CUL9: variants seen among roughly 807,000 people sequenced by gnomAD.
CUL9 encodes the protein cullin-9.
Under a neutral mutation model 272.6 loss-of-function variants are expected in CUL9, and 79 were observed. The observed-to-expected ratio is 0.29, with a 90% CI of 0.24 to 0.35. The LOEUF (loss-of-function observed/expected upper bound fraction) is 0.35, where lower values mean the gene tolerates loss of function less well. Ranked by LOEUF, CUL9 falls within the 10% of genes least tolerant of loss-of-function variation. The pLI, the probability that CUL9 is intolerant of heterozygous loss-of-function variation, is 1.00. For missense variants in CUL9, 2,532 were observed against 3,255.6 expected, an observed-to-expected ratio of 0.78 and a Z score of 5.41; for synonymous variants, 1,186 against 1,286.5, an observed-to-expected ratio of 0.92 and a Z score of 1.67.
At position 43,213,893 on chromosome 6, in the gene CUL9, T is replaced by C; in HGVS notation, c.5669T>C (p.Ile1890Thr). The change falls in exon 29 of 41, where the codon ATT becomes ACT. Residue 1890 changes from isoleucine (I) to threonine (T), a missense_variant. This residue lies in a region of CUL9 where 2,218 missense variants were observed against 2,788.6 expected (regional missense o/e 0.80). Transcript: ENST00000252050. The surrounding 1 kb of genome is among the most constrained non-coding windows in gnomAD (Gnocchi z 5.7). ...GCCCATGGGGAAAAGGGCCTCCACA[T>C]TGATCAGCTGGTTTGTCTGGTAGGC... is the stretch of plus-strand genomic sequence containing the variant. The part of the protein sequence containing the change: ...LKAHGEKGLH[I>T]DQLVCLVLEA... 3 of 1,614,028 alleles carry C rather than the reference T, an allele frequency of 1.9e-6. No homozygotes were observed. Among genetic ancestry groups the C allele is most frequent in the Non-Finnish European group, 2.5e-6 (3 of 1,180,022 alleles).
intron 1 of CUL9, among the ~76,000 whole-genome samples, 200 bp downstream of exon 1, chr6:43,182,449 C>T (rs1772477221): frequency 6.6e-6 from 1 of 150,724 alleles, no homozygotes; most frequent in Non-Finnish European, 1.5e-5. Flanking sequence ...CGGTGCTGGC[C>T]TCCTCCACCT....
In CUL9 at chr6:43,213,328, T is replaced by C. The variant is rs1483621179; in HGVS notation, c.5358+34T>C. ...GCCCTTAGCCTCTCTCTGCCTTCTC[T>C]GCTACCTTATCTGTCGCTGTTCTCC... is the stretch of plus-strand genomic sequence containing the variant. On this transcript the variant is annotated intron_variant, in intron 27 of 40. Coordinates refer to ENST00000252050, the MANE Select transcript of CUL9 (RefSeq NM_015089.4). The surrounding 1 kb of genome is among the most constrained non-coding windows in gnomAD (Gnocchi z 5.7). 1 of 1,612,772 alleles carries C rather than the reference T, an allele frequency of 6.2e-7. No homozygotes were observed.
In CUL9 at chr6:43,223,384, A is replaced by G. The variant is rs1269484030; in HGVS notation, c.7271A>G (p.Gln2424Arg). Reference protein sequence around the residue: ...RIQERLLAILQHSAQDFRVGL... With the variant: ...RIQERLLAILRHSAQDFRVGL... ...CAGGAGAGGCTGCTTGCCATCCTGC[A>G]GCATTCTGCCCAGGTACTGCCCGGC... The change falls in exon 39 of 41, where the codon CAG (glutamine) becomes CGG (arginine). Residue 2424 changes from glutamine to arginine, a missense_variant. By Grantham distance (43) the Gln-to-Arg change is conservative. This residue lies in a region of CUL9 where 237 missense variants were observed against 305.9 expected (regional missense o/e 0.77). Transcript: ENST00000252050. The surrounding 1 kb of genome is among the most constrained non-coding windows in gnomAD (Gnocchi z 4.1). 6 of 1,599,018 alleles carry G rather than the reference A, an allele frequency of 3.8e-6. No individual in the cohort carries two copies. The African/African-American group carries it at 8.1e-5, about 21-fold the overall frequency.
intron 16 of CUL9, among the ~76,000 whole-genome samples, chr6:43,201,673 G>C (rs577752995): frequency 1.3e-5 from 2 of 152,098 alleles, no homozygotes; most frequent in African/African-American, 4.8e-5. Flanking sequence ...TAGAGACGGG[G>C]TTTCACCGTG....
chr6:43,212,230 C>T (rs1181593594), intron 26 of CUL9, among the ~76,000 whole-genome samples: 2 of 152,240 alleles, frequency 1.3e-5, no homozygotes, highest in Non-Finnish European at 2.9e-5. Flanking sequence ...GAGGCAGGTT[C>T]AGCCTGTCTC....
Position 43,185,952 on chromosome 6 carries a change from C to T in CUL9, c.751-3C>T. 2 of 1,599,122 alleles carry T rather than the reference C, an allele frequency of 1.3e-6. No homozygotes were observed. The highest frequency in any genetic ancestry group is 1.7e-6 in the Non-Finnish European group (2 of 1,171,378). ...AACCTGTCCCAAGGATTGTGTCTTA[C>T]AGATCCCAGGAAAGCTGCTTTTCTC... On this transcript the variant is annotated splice_region_variant and splice_polypyrimidine_tract_variant and intron_variant, in intron 3 of 40. Transcript: ENST00000252050.
Position 43,188,568 on chromosome 6 carries a change from A to C in CUL9, c.2033A>C (p.Asp678Ala). 2 of 1,613,986 alleles carry C rather than the reference A, an allele frequency of 1.2e-6. No individual in the cohort carries two copies. The highest frequency in any genetic ancestry group is 2.2e-5 in the South Asian group (2 of 91,058). The stretch of plus-strand genomic sequence containing the variant: ...GGTCCCGGTCCTCGCAGCTCCCTGG[A>C]TCAGCATGTGGCAGCGGTCGTGGCC... ...LRGPGPRSSLDQHVAAVVATV... is the reference protein window; with the variant it reads ...LRGPGPRSSLAQHVAAVVATV... The change falls in exon 8 of 41, where the codon GAT becomes GCT. Residue 678 changes from aspartate to alanine, a missense_variant. Physicochemically the swap from Asp to Ala is moderately radical, Grantham distance 126. Around this residue, in one of 3 missense-constraint regions of CUL9, gnomAD observed 2,218 missense variants for 2,788.6 expected, o/e 0.80. Transcript: ENST00000252050.
rs747383054 is a variant in CUL9 at position 43,186,409 on chromosome 6, A to G, written c.1205A>G (p.Asp402Gly). The G allele has an allele frequency of 2.5e-6, 4 of 1,606,064 alleles. No homozygotes were observed. In the South Asian group the frequency reaches 4.4e-5, roughly 18 times the overall value. ...LDDYEEISAGDEGEFRQSNNG... is the reference protein window; with the variant it reads ...LDDYEEISAGGEGEFRQSNNG... ...GATTATGAGGAGATCAGTGCTGGGG[A>G]CGAGGGCGAGTTCCGGCAGAGCAAC... The change falls in exon 4 of 41, where the codon GAC (aspartate) becomes GGC (glycine). Residue 402 changes from aspartate to glycine, a missense_variant. Physicochemically the swap from Asp to Gly is moderately conservative, Grantham distance 94. This residue lies in a region of CUL9 where 2,218 missense variants were observed against 2,788.6 expected (regional missense o/e 0.80). Transcript: ENST00000252050.
intron 31 of CUL9, among the ~76,000 whole-genome samples, chr6:43,216,776 T>A (rs767463149): frequency 1.1e-4 from 17 of 152,210 alleles, no homozygotes; most frequent in Non-Finnish European, 2.2e-4. Context: ...CTTTTATAAG[T>A]GTTAATGCCC....
Position 43,205,500 on chromosome 6 carries a change from G to A in CUL9, c.4793+77G>A, listed in dbSNP as rs1369708995. The A allele has an allele frequency of 2.7e-6, 4 of 1,499,508 alleles. No homozygotes were observed. In the African/African-American group the frequency reaches 4.2e-5, roughly 16 times the overall value. The allele number at this position is 1,499,508 out of a possible 1,614,324, so 92.9% of individuals were successfully genotyped here. ...GGAAAGATTTGAGTCTTATAGGGGA[G>A]ATGAGAAAAGAGGCTGTGTAGAGGA... On this transcript the variant is annotated intron_variant, in intron 24 of 40. Transcript: ENST00000252050.
At chr6:43,212,705 A>T (rs1043497492) in intron 26 of CUL9, 2 of 153,068 alleles carry the variant, frequency 1.3e-5, no homozygotes, top group Non-Finnish European at 2.9e-5. Flanking sequence ...GTAAGACAGC[A>T]TCTCTCAGGC....
intron 1 of CUL9, among the ~76,000 whole-genome samples, 198 bp downstream of exon 1, chr6:43,182,447 GCCT>G (rs1241953439): frequency 1.5e-3 from 229 of 149,050 alleles, no homozygotes; most frequent in African/African-American, 5.3e-3. Flanking sequence ...TGCGGTGCTG[GCCT>G]CCTCCACCTC....
At position 43,223,278 on chromosome 6, in the gene CUL9, C is replaced by T. The variant is rs764024692; in HGVS notation, c.7165C>T (p.Arg2389Trp). ...CCCCTCTGCAGAGGAAACCCTGCTGCGGTGCAGAGACCTGGCCTCCTCCCT... is the reference window on the plus strand; with the variant it reads ...CCCCTCTGCAGAGGAAACCCTGCTGTGGTGCAGAGACCTGGCCTCCTCCCT... Reference protein sequence around the residue: ...LQILLEETLLRCRDLASSLRL... With the variant: ...LQILLEETLLWCRDLASSLRL... The change falls in exon 39 of 41, where the codon CGG (arginine) becomes TGG (tryptophan). Residue 2389 changes from arginine to tryptophan, a missense_variant. Around this residue, in one of 3 missense-constraint regions of CUL9, gnomAD observed 237 missense variants for 305.9 expected, o/e 0.77. Coordinates refer to ENST00000252050, the MANE Select transcript of CUL9 (RefSeq NM_015089.4). The surrounding 1 kb of genome is among the most constrained non-coding windows in gnomAD (Gnocchi z 4.1). 1.2e-5 allele frequency: 19 copies of T among 1,598,864 alleles called. No homozygotes were observed. Among genetic ancestry groups the T allele is most frequent in the Non-Finnish European group, 1.3e-5 (15 of 1,172,546 alleles).
intron 4 of CUL9, 21 bp from the exon 5 acceptor site, chr6:43,186,938 CT>C: frequency 6.2e-7 from 1 of 1,612,656 alleles, no homozygotes. Context: ...ATTCTGCTCT[CT>C]TTCTTCCTCC....
In CUL9 at chr6:43,213,390, C is replaced by G. The variant is rs1426312650; in HGVS notation, c.5359-48C>G. On this transcript the variant is annotated intron_variant, in intron 27 of 40. Transcript: ENST00000252050. The surrounding 1 kb of genome is among the most constrained non-coding windows in gnomAD (Gnocchi z 5.7). The stretch of plus-strand genomic sequence containing the variant: ...GTTCCTCCTTCATCCTTACTCCCCT[C>G]TTCCTTTTCTTTCCTTTGACTCCTG... The G allele has an allele frequency of 1.2e-6, 2 of 1,612,170 alleles. No individual in the cohort carries two copies. The highest frequency in any genetic ancestry group is 1.7e-6 in the Non-Finnish European group (2 of 1,178,564).
rs1562064087 is a variant in CUL9 at position 43,221,360 on chromosome 6, AG to A, written c.6752+45del. The A allele has an allele frequency of 4.3e-6, 4 of 926,600 alleles. No individual in the cohort carries two copies. Among genetic ancestry groups the A allele is most frequent in the Non-Finnish European group, 6.0e-6 (4 of 669,944 alleles). 57.4% of individuals were successfully genotyped at this position (926,600 alleles called of 1,614,324 possible). On this transcript the variant is annotated intron_variant, in intron 34 of 40. Coordinates refer to ENST00000252050, the MANE Select transcript of CUL9 (RefSeq NM_015089.4). This position sits in a 1 kb window ranked among gnomAD's most constrained non-coding sequence, Gnocchi z 4.2. The stretch of plus-strand genomic sequence containing the variant: ...TACTGTGGGGAGCCAGAGGGCAAGG[AG>A]GGGGGAGGAGGCCTGGCAGAAGGAG...
chr6:43,184,884 G>C lies in CUL9; in HGVS notation c.574G>C (p.Ala192Pro). Residue 192 changes from alanine to proline, a missense_variant, in exon 2 of 41, where the codon GCT becomes CCT. By Grantham distance (27) the Ala-to-Pro change is conservative. Coordinates refer to ENST00000252050, the MANE Select transcript of CUL9 (RefSeq NM_015089.4). The surrounding 1 kb of genome is among the most constrained non-coding windows in gnomAD (Gnocchi z 4.8). ...CCGGAGTGCAGGCAAAATGCTGCAG[G>C]CTCTGGCAGCCCACGATGCTGGTAA... is the stretch of plus-strand genomic sequence containing the variant. Reference protein sequence around the residue: ...IRRSAGKMLQALAAHDAGSRA... With the variant: ...IRRSAGKMLQPLAAHDAGSRA... 1 of 1,595,350 alleles carries C rather than the reference G, an allele frequency of 6.3e-7. No individual in the cohort carries two copies. The highest frequency in any genetic ancestry group is 8.5e-7 in the Non-Finnish European group (1 of 1,173,794).
chr6:43,208,606 T>G (rs1775223455), intron 26 of CUL9, among the ~76,000 whole-genome samples: 1 of 152,260 alleles, frequency 6.6e-6, no homozygotes. Context: ...TATTATGAAG[T>G]GACATTCTTT....
chr6:43,204,689 C>A lies in CUL9; in HGVS notation c.4340-59C>A, dbSNP rs1271675864. The A allele has an allele frequency of 3.1e-6, 5 of 1,597,534 alleles. No homozygotes were observed. The Admixed American group carries it at 6.7e-5, about 22-fold the overall frequency. ...CTTTCCAGGAGATCACTACCCAAGA[C>A]CGGTGTACTCACCCAGAGGCTGAGA... On this transcript the variant is annotated intron_variant, in intron 21 of 40. Coordinates refer to ENST00000252050, the MANE Select transcript of CUL9 (RefSeq NM_015089.4).
Sources: allele counts gnomAD v4.1 joint callset (sites outside exome capture counted in the v4.1 genomes callset), GRCh38; gene constraint gnomAD v4.1.1; regional missense constraint gnomAD v4.1.1; non-coding constraint Gnocchi (gnomAD v3.1); transcripts MANE v1.5; gene names NCBI Gene and HGNC (gene_info 2026-07-23, HGNC 2026-07-21).